TENM1: variants seen among roughly 807,000 people sequenced by gnomAD.
TENM1 encodes the protein teneurin transmembrane protein 1, also known as teneurin-1.
In TENM1, 35 loss-of-function variants were observed where a neutral mutation model predicts 174.8. The ratio of observed to expected loss-of-function variants is 0.20; its 90% confidence interval spans 0.15 to 0.27. TENM1 has a LOEUF of 0.27. Ranked by LOEUF, TENM1 falls within the 10% of genes least tolerant of loss-of-function variation. TENM1 has a pLI of 1.00. For synonymous variants in TENM1, 781 were observed against 798.7 expected (o/e 0.98, Z 0.37); for missense variants, 1,633 against 2,130.1 (o/e 0.77, Z 4.59).
At chrX:124,638,865 C>T (rs2050943618) in intron 11 of TENM1, among the ~76,000 whole-genome samples, 1 of 111,256 alleles carries the variant, frequency 9.0e-6, no homozygotes, top group South Asian at 3.8e-4. Flanking sequence ...TTACTTTTGC[C>T]TAGTCATCCA....
Position 124,399,198 on chromosome X carries a change from G to A in TENM1, c.5391+5833C>T, listed in dbSNP as rs192623880. ...TGTGATCACTGCTTACTAGCTGTGT[G>A]ACCTCTCTGTGCCTCAGTTTCTTCA... On this transcript the variant is annotated intron_variant, in intron 27 of 31. Coordinates refer to ENST00000422452, the Ensembl canonical transcript of TENM1. Among the ~76,000 whole-genome samples the A allele has an allele frequency of 1.2e-3, 133 of 111,998 alleles. No individual in the cohort carries two copies. The Middle Eastern group carries it at 0.023, about 19-fold the overall frequency.
chrX:124,523,281 T>C (rs759563683), intron 17 of TENM1, 83 bp downstream of exon 20: 159 of 997,274 alleles, frequency 1.6e-4, no homozygotes, highest in Non-Finnish European at 2.1e-4. Flanking sequence ...GTAACAAGAA[T>C]AGGAAAAGGA....
intron 3 of TENM1, among the ~76,000 whole-genome samples, chrX:124,884,995 C>T (rs750749137): frequency 9.0e-6 from 1 of 111,155 alleles, no homozygotes; most frequent in Non-Finnish European, 1.9e-5. Context: ...AATACTTCAC[C>T]GAATATTGTA....
intron 3 of TENM1, among the ~76,000 whole-genome samples, chrX:124,865,334 T>G (rs2056982540): frequency 8.9e-6 from 1 of 112,034 alleles, no homozygotes; most frequent in African/African-American, 3.2e-5. Flanking sequence ...TACAATAAGA[T>G]ATAAATAGAA....
chrX:125,086,421 A>G, the TENM1 span, among the ~76,000 whole-genome samples: 1 of 110,876 alleles, frequency 9.0e-6, no homozygotes, highest in Admixed American at 9.7e-5. Context: ...AAAAAAACAT[A>G]TATTTTTAAT....
chrX:125,165,635 AG>A, the TENM1 span, among the ~76,000 whole-genome samples: 1 of 111,896 alleles, frequency 8.9e-6, no homozygotes, highest in Admixed American at 9.5e-5. Context: ...CTGGTGGCAC[AG>A]GGCCCACAGT....
intron 11 of TENM1, among the ~76,000 whole-genome samples, chrX:124,581,653 C>A (rs920268648): frequency 1.8e-5 from 2 of 112,235 alleles, no homozygotes; most frequent in Non-Finnish European, 3.8e-5. Context: ...TTCACTCCCA[C>A]CAACAGTGGA....
chrX:124,794,528 A>G (rs1291468375), intron 3 of TENM1, among the ~76,000 whole-genome samples: 1 of 110,561 alleles, frequency 9.0e-6, no homozygotes, highest in African/African-American at 3.3e-5. Flanking sequence ...TCTTCTCTCT[A>G]TCCACCTCTC....
At chrX:124,404,952 T>TAAAC (rs34194370) in intron 27 of TENM1, 79 bp downstream of exon 30, 100,480 of 863,357 alleles carry the variant, frequency 0.12, 5,887 homozygotes, top group East Asian at 0.39. Flanking sequence ...GCTCTGCAGT[T>TAAAC]AAACAAACAA....
the TENM1 span, among the ~76,000 whole-genome samples, chrX:125,127,317 G>A: frequency 2.7e-5 from 3 of 111,536 alleles, no homozygotes; most frequent in Non-Finnish European, 5.7e-5. Context: ...TAGTATGGCA[G>A]GAAAACAGTT....
chrX:125,080,326 C>T, the TENM1 span, among the ~76,000 whole-genome samples: 1 of 111,993 alleles, frequency 8.9e-6, no homozygotes, highest in African/African-American at 3.2e-5. Flanking sequence ...GCACAGCTTG[C>T]CTATGTGCCT....
the TENM1 span, among the ~76,000 whole-genome samples, chrX:125,105,537 T>C: frequency 9.4e-6 from 1 of 106,574 alleles, no homozygotes; most frequent in Admixed American, 1.0e-4. Context: ...TGCAAAAAAA[T>C]TGCACTCATC....
chrX:124,741,966 T>C (rs1422482633), intron 3 of TENM1, among the ~76,000 whole-genome samples: 1 of 112,325 alleles, frequency 8.9e-6, no homozygotes, highest in African/African-American at 3.2e-5. Context: ...TTAACCTTTA[T>C]AAAACGAGCA....
At chrX:125,203,842 T>C in the TENM1 span, 1 of 113,235 alleles carries the variant, frequency 8.8e-6, no homozygotes, top group Non-Finnish European at 1.9e-5. Flanking sequence ...CCCCAGGTGC[T>C]GTTCCCCCGC....
intron 11 of TENM1, among the ~76,000 whole-genome samples, chrX:124,589,463 C>T (rs753978231): frequency 2.7e-5 from 3 of 110,151 alleles, no homozygotes; most frequent in African/African-American, 9.9e-5. Context: ...TCACTTTCCT[C>T]GATTTTTTGG....
chrX:124,823,200 A>G (rs112988378), intron 3 of TENM1, among the ~76,000 whole-genome samples: 1 of 112,086 alleles, frequency 8.9e-6, no homozygotes, highest in African/African-American at 3.2e-5. Context: ...AGACATCTAC[A>G]TGTTATATTT....
At chrX:124,690,486 T>A (rs780220904) in intron 5 of TENM1, among the ~76,000 whole-genome samples, 1,049 of 55,299 alleles carry the variant, frequency 0.019, 18 homozygotes, top group African/African-American at 0.11. Context: ...TTTGTTAGAG[T>A]GTGTGTGTGT....
At chrX:124,682,914 G>A (rs1176359257) in intron 5 of TENM1, among the ~76,000 whole-genome samples, 2 of 111,463 alleles carry the variant, frequency 1.8e-5, no homozygotes, top group South Asian at 3.8e-4. Context: ...AGAATAACTG[G>A]TGACATCCAA....
chrX:125,046,558 T>G, the TENM1 span, among the ~76,000 whole-genome samples: 2 of 112,215 alleles, frequency 1.8e-5, no homozygotes, highest in Non-Finnish European at 3.8e-5. Context: ...CAATGATGTT[T>G]TCTCTGCTAC....
Sources: gnomAD v4.1 joint callset for allele counts (sites outside exome capture counted in the v4.1 genomes callset) on GRCh38, gnomAD v4.1.1 for gene constraint, MANE v1.5 for transcripts, NCBI Gene and HGNC (gene_info 2026-07-23, HGNC 2026-07-21) for gene names.